EXOC4: variants seen among roughly 807,000 people sequenced by gnomAD.
EXOC4 encodes SEC8-like 1.
A neutral mutation model predicts 107.2 loss-of-function variants in EXOC4; 71 were observed. The observed-to-expected ratio is 0.66, with a 90% CI of 0.55 to 0.81. The LOEUF is 0.81. Ranked by LOEUF, EXOC4 falls within the 30% of genes least tolerant of loss-of-function variation. EXOC4 has a pLI of 0.00. For missense variants in EXOC4, 1,108 were observed against 1,189.6 expected (o/e 0.93, Z 1.01); for synonymous variants, 456 against 441.2 (o/e 1.03, Z -0.42).
the EXOC4 span, among the ~76,000 whole-genome samples, chr7:134,099,761 C>T: frequency 1.2e-4 from 18 of 152,150 alleles, no homozygotes; most frequent in Admixed American, 1.0e-3. Context: ...GTCTGGAGTG[C>T]GATGGCGAAA....
intron 7 of EXOC4, among the ~76,000 whole-genome samples, chr7:133,434,091 T>C (rs1797912700): frequency 6.6e-6 from 1 of 152,272 alleles, no homozygotes; most frequent in East Asian, 1.9e-4. Context: ...AAAATAATGA[T>C]TGTCTTGGGC....
chr7:133,900,932 C>T (rs965166921), intron 12 of EXOC4, among the ~76,000 whole-genome samples: 9 of 152,234 alleles, frequency 5.9e-5, no homozygotes, highest in South Asian at 2.1e-4. Context: ...TGCGGTGGCA[C>T]GATCTCAGCT....
chr7:133,407,386 T>G (rs1207829026), intron 7 of EXOC4, among the ~76,000 whole-genome samples: 1 of 152,220 alleles, frequency 6.6e-6, no homozygotes, highest in African/African-American at 2.4e-5. Flanking sequence ...AATATCTCCA[T>G]TGTTGTGGTC....
intron 14 of EXOC4, among the ~76,000 whole-genome samples, chr7:133,988,043 T>A (rs1451087852): frequency 1.3e-5 from 2 of 152,148 alleles, no homozygotes; most frequent in African/African-American, 2.4e-5. Context: ...CCATGACAGT[T>A]TGTATGTTGA....
chr7:133,431,891 T>A (rs1447682024), intron 7 of EXOC4, among the ~76,000 whole-genome samples: 3 of 152,218 alleles, frequency 2.0e-5, no homozygotes, highest in Non-Finnish European at 4.4e-5. Flanking sequence ...TGGGAAACAG[T>A]GTGTTCAATT....
chr7:133,684,279 T>C lies in EXOC4; in HGVS notation c.1514+54138T>C, dbSNP rs557380658. Among the ~76,000 whole-genome samples, 4 of 152,312 alleles carry C rather than the reference T, an allele frequency of 2.6e-5. No homozygotes were observed. The East Asian group carries it at 7.7e-4, about 29-fold the overall frequency. On this transcript the variant is annotated intron_variant, in intron 10 of 17. Transcript: ENST00000253861. ...GGTTATTTAAAATATCAGAATACTTTATTCTTTGAGTTGTGCAATGCGCTC... is the reference window on the plus strand; with the variant it reads ...GGTTATTTAAAATATCAGAATACTTCATTCTTTGAGTTGTGCAATGCGCTC...
At chr7:133,998,762 C>G (rs1563085766) in intron 15 of EXOC4, among the ~76,000 whole-genome samples, 1 of 152,174 alleles carries the variant, frequency 6.6e-6, no homozygotes, top group African/African-American at 2.4e-5. Flanking sequence ...AAAGGTCACT[C>G]TGGCTGTTGT....
chr7:133,954,519 A>G (rs1303237533), intron 14 of EXOC4, among the ~76,000 whole-genome samples: 1 of 152,260 alleles, frequency 6.6e-6, no homozygotes, highest in Non-Finnish European at 1.5e-5. Flanking sequence ...ATAAATAACT[A>G]AATGTACATT....
chr7:133,607,203 T>C (rs183258730), intron 9 of EXOC4, among the ~76,000 whole-genome samples: 2 of 152,178 alleles, frequency 1.3e-5, no homozygotes, highest in Non-Finnish European at 2.9e-5. Context: ...CCCTGATTTT[T>C]AAAAAATGCA....
At chr7:133,294,750 A>G (rs1357554446) in intron 3 of EXOC4, among the ~76,000 whole-genome samples, 1 of 152,124 alleles carries the variant, frequency 6.6e-6, no homozygotes, top group Non-Finnish European at 1.5e-5. Flanking sequence ...ATTTAATTGA[A>G]TAGTTTTCTA....
Position 133,788,613 on chromosome 7 carries a change from C to T in EXOC4, c.1515-28712C>T, listed in dbSNP as rs529548815. Among the ~76,000 whole-genome samples, 3 of 152,242 alleles carry T rather than the reference C, an allele frequency of 2.0e-5. No homozygotes were observed. The South Asian group carries it at 6.2e-4, about 32-fold the overall frequency. On this transcript the variant is annotated intron_variant, in intron 10 of 17. Transcript: ENST00000253861. ...GTTCAAGCAATTCTCCTGCCTCAGC[C>T]TCCCTAGTAGCTGGGATTACAGGTG...
At chr7:134,027,763 T>C (rs1278444689) in intron 17 of EXOC4, among the ~76,000 whole-genome samples, 5 of 151,756 alleles carry the variant, frequency 3.3e-5, no homozygotes, top group African/African-American at 1.2e-4. Context: ...TTGGTAAGAA[T>C]AGAGTCCTGG....
intron 5 of EXOC4, among the ~76,000 whole-genome samples, chr7:133,346,257 G>C (rs1361675913): frequency 1.3e-5 from 2 of 151,982 alleles, no homozygotes; most frequent in African/African-American, 4.8e-5. Context: ...ATTTGGTTTG[G>C]TTGGCTCACC....
At chr7:134,056,805 G>C (rs771527662) in intron 17 of EXOC4, among the ~76,000 whole-genome samples, 17 of 152,106 alleles carry the variant, frequency 1.1e-4, no homozygotes, top group Non-Finnish European at 1.6e-4. Context: ...CTAGCTAAGG[G>C]AACAAAAAGA....
Position 133,306,049 on chromosome 7 carries a change from A to G in EXOC4, c.644A>G (p.Lys215Arg). 6.2e-7 allele frequency: 1 copy of G among 1,611,210 alleles called. No individual in the cohort carries two copies. The highest frequency in any genetic ancestry group is 8.5e-7 in the Non-Finnish European group (1 of 1,178,662). ...CGAGTTGTGCAGCGTAACAAGGAAA[A>G]AGGGAAAATCAGGTTAAAGAGGCTC... The part of the protein sequence containing the change: ...TSRVVQRNKE[K>R]GKISSLVKDA... Residue 215 changes from lysine to arginine, a missense_variant, in exon 4 of 18, where the codon AAA becomes AGA. Transcript: ENST00000253861.
At chr7:133,910,039 T>C (rs940542600) in intron 12 of EXOC4, among the ~76,000 whole-genome samples, 12 of 148,732 alleles carry the variant, frequency 8.1e-5, no homozygotes, top group African/African-American at 3.0e-4. Flanking sequence ...TTCTCCTGCC[T>C]CAACCTCCCA....
intron 9 of EXOC4, among the ~76,000 whole-genome samples, chr7:133,486,358 T>C (rs1799269745): frequency 1.3e-5 from 2 of 152,212 alleles, no homozygotes; most frequent in South Asian, 4.1e-4. Flanking sequence ...TAGGAGTCTC[T>C]TATATAGCAA....
intron 7 of EXOC4, among the ~76,000 whole-genome samples, chr7:133,422,157 G>A (rs1022007659): frequency 3.3e-5 from 5 of 152,066 alleles, no homozygotes; most frequent in East Asian, 1.9e-4. Flanking sequence ...TTTTGCTTAC[G>A]CCTCTGAACA....
chr7:133,901,023 A>G (rs1221677902), intron 12 of EXOC4, among the ~76,000 whole-genome samples: 5 of 151,952 alleles, frequency 3.3e-5, no homozygotes, highest in Non-Finnish European at 7.4e-5. Context: ...GTGCCCACCA[A>G]CACACCTGGC....
Sources: allele counts gnomAD v4.1 joint callset (sites outside exome capture counted in the v4.1 genomes callset), GRCh38; gene constraint gnomAD v4.1.1; transcripts MANE v1.5; gene names NCBI Gene and HGNC (gene_info 2026-07-23, HGNC 2026-07-21).